SUSD3: variants seen among roughly 807,000 people sequenced by gnomAD.
SUSD3 encodes sushi domain-containing protein 3.
SUSD3 carries 18 observed loss-of-function variants against 20.6 expected under a neutral mutation model. That is an observed-to-expected ratio of 0.87 (90% CI 0.60 to 1.30). The LOEUF is 1.30. SUSD3 is among the 50% of genes most tolerant of loss of function. SUSD3 has a pLI of 0.00. For synonymous variants in SUSD3, 137 were observed against 141.5 expected (o/e 0.97, Z 0.23); for missense variants, 306 against 346.9 (o/e 0.88, Z 0.94).
At chr9:93,069,777 CT>C (rs565674661) in intron 1 of SUSD3, among the ~76,000 whole-genome samples, 28 of 147,444 alleles carry the variant, frequency 1.9e-4, no homozygotes, top group Admixed American at 7.5e-4. Context: ...TTACTTCTTC[CT>C]TTTTTTTTTC....
rs915854164 is a variant in SUSD3, at chr9:93,076,074, C to G, written c.277+102C>G. 9.6e-6 allele frequency: 10 copies of G among 1,044,422 alleles called. No homozygotes were observed. In the East Asian group the frequency reaches 2.6e-4, roughly 27 times the overall value. The allele number at this position is 1,044,422 out of a possible 1,614,324, so 64.7% of individuals were successfully genotyped here. ...TGGGGATGGCGTGGGTGTCTACTCA[C>G]AAGCAGCTAGGCCAGTGTGTAGGGT... On this transcript the variant is annotated intron_variant, in intron 2 of 4. Coordinates refer to ENST00000375472, the MANE Select transcript of SUSD3 (RefSeq NM_145006.4).
At chr9:93,065,926 G>A (rs992363072) in intron 1 of SUSD3, among the ~76,000 whole-genome samples, 5 of 152,206 alleles carry the variant, frequency 3.3e-5, no homozygotes, top group African/African-American at 1.2e-4. Flanking sequence ...GTGACCCAAG[G>A]CCAGCGAGAG....
At chr9:93,062,930 A>G (rs560624880) in intron 1 of SUSD3, among the ~76,000 whole-genome samples, 51 of 152,170 alleles carry the variant, frequency 3.4e-4, no homozygotes, top group African/African-American at 1.2e-3. Context: ...TGTGAATCCT[A>G]CGGAATCCTG....
rs975151475 is a variant in SUSD3 at position 93,058,726 on chromosome 9, G to A, written c.-17G>A. 62 of 1,230,038 alleles carry A rather than the reference G, an allele frequency of 5.0e-5. No homozygotes were observed. The highest frequency in any genetic ancestry group is 6.1e-5 in the Non-Finnish European group (60 of 985,544). 76.2% of individuals were successfully genotyped at this position (1,230,038 alleles called of 1,614,324 possible). A position where few individuals can be genotyped will look rare whatever the true frequency, so the allele number is the denominator to read the frequency against. On this transcript the variant is annotated 5_prime_UTR_variant, in exon 1 of 5. Transcript: ENST00000375472. Reference sequence around the variant, plus strand: ...ACTCCCCTGGCAGACCCCGCCAAGCGCCTCGGAGCGCGCAGGATGCGCTGG... The same window carrying A: ...ACTCCCCTGGCAGACCCCGCCAAGCACCTCGGAGCGCGCAGGATGCGCTGG...
chr9:93,070,557 G>A (rs76830534), intron 1 of SUSD3, among the ~76,000 whole-genome samples: 2,995 of 152,324 alleles, frequency 0.02, 88 homozygotes, highest in African/African-American at 0.065. Context: ...GTGTCCCTGA[G>A]CCATGGTTTC....
Position 93,075,324 on chromosome 9 carries a change from T to G in SUSD3, c.89-460T>G, listed in dbSNP as rs192044259. On this transcript the variant is annotated intron_variant, in intron 1 of 4. Coordinates refer to ENST00000375472, the MANE Select transcript of SUSD3 (RefSeq NM_145006.4). Reference sequence around the variant, plus strand: ...TCCTTTCCCGAATTTTTCACCTGAGTTGGTTGTTTTCCATTATTAGGGAGC... The same window carrying G: ...TCCTTTCCCGAATTTTTCACCTGAGGTGGTTGTTTTCCATTATTAGGGAGC... 2.5e-3 allele frequency among the ~76,000 whole-genome samples: 384 copies of G among 152,164 alleles called. 3 individuals are homozygous for G. Among genetic ancestry groups the G allele is most frequent in the African/African-American group, 8.9e-3 (368 of 41,506 alleles).
intron 4 of SUSD3, among the ~76,000 whole-genome samples, chr9:93,080,898 T>G (rs764575624): frequency 1.3e-5 from 2 of 152,252 alleles, no homozygotes; most frequent in Non-Finnish European, 2.9e-5. Flanking sequence ...TTTTGTTGTT[T>G]TAGCATCACA....
chr9:93,068,957 A>T lies in SUSD3; in HGVS notation c.89-6827A>T, dbSNP rs538129597. 9.2e-6 allele frequency: 5 copies of T among 546,142 alleles called. No individual in the cohort carries two copies. The African/African-American group carries it at 9.4e-5, about 10-fold the overall frequency. 33.8% of individuals were successfully genotyped at this position (546,142 alleles called of 1,614,324 possible). On this transcript the variant is annotated intron_variant, in intron 1 of 4. Transcript: ENST00000375472. Reference sequence around the variant, plus strand: ...TGAAAGATTAATGATAACCAGTAATAAGTTATACCAATTATAACAATATAT... The same window carrying T: ...TGAAAGATTAATGATAACCAGTAATTAGTTATACCAATTATAACAATATAT...
chr9:93,079,704 C>T (rs1826330894), intron 4 of SUSD3, 102 bp downstream of exon 4: 2 of 1,321,730 alleles, frequency 1.5e-6, no homozygotes, highest in Non-Finnish European at 2.1e-6. Context: ...GCCTGCTGCT[C>T]CCACACGCCT....
rs1339035789 is a variant in SUSD3 at position 93,058,973 on chromosome 9, C to T, written c.88+143C>T. ...CTGCCCCGAGGACGAACCTCCTCGA[C>T]CCTCCGCCGGCCCAGCAGGCGCCCT... On this transcript the variant is annotated intron_variant, in intron 1 of 4. Coordinates refer to ENST00000375472, the MANE Select transcript of SUSD3 (RefSeq NM_145006.4). 6.4e-6 allele frequency: 3 copies of T among 469,904 alleles called. No individual in the cohort carries two copies. The Admixed American group carries it at 1.3e-4, about 21-fold the overall frequency. The allele number at this position is 469,904 out of a possible 1,614,324, so 29.1% of individuals were successfully genotyped here.
intron 1 of SUSD3, among the ~76,000 whole-genome samples, chr9:93,070,960 G>A (rs73514199): frequency 0.011 from 1,744 of 152,234 alleles, 32 homozygotes; most frequent in African/African-American, 0.04. Context: ...AATCCCAAGC[G>A]CTAAATAGGG....
At chr9:93,077,558 C>T (rs1826216951) in intron 2 of SUSD3, among the ~76,000 whole-genome samples, 1 of 152,080 alleles carries the variant, frequency 6.6e-6, no homozygotes, top group African/African-American at 2.4e-5. Flanking sequence ...GCTTAAATAC[C>T]CCCTTTAAAT....
chr9:93,060,620 C>T (rs1825466108), intron 1 of SUSD3, among the ~76,000 whole-genome samples: 1 of 151,974 alleles, frequency 6.6e-6, no homozygotes, highest in Admixed American at 6.6e-5. Context: ...TGCTTGAGTC[C>T]AGGAGCTCGA....
At position 93,075,940 on chromosome 9, in the gene SUSD3, C is replaced by T. The variant is rs1826139398; in HGVS notation, c.245C>T (p.Ala82Val). 1 of 1,611,360 alleles carries T rather than the reference C, an allele frequency of 6.2e-7. No individual in the cohort carries two copies. Among genetic ancestry groups the T allele is most frequent in the Admixed American group, 1.7e-5 (1 of 59,832 alleles). ...LLTCTWKGSI[A>V]EWSSGSPVCK... ...ACCTGCACCTGGAAGGGGAGCATCG[C>T]TGAGTGGTCTTCAGGGTCCCCAGTG... The change falls in exon 2 of 5, where the codon GCT becomes GTT. Residue 82 changes from alanine (A) to valine (V), a missense_variant. Transcript: ENST00000375472.
At chr9:93,071,877 G>T (rs1825924817) in intron 1 of SUSD3, among the ~76,000 whole-genome samples, 1 of 152,158 alleles carries the variant, frequency 6.6e-6, no homozygotes, top group South Asian at 2.1e-4. Flanking sequence ...AGTTGCAGCT[G>T]CCCAGGATGA....
intron 1 of SUSD3, among the ~76,000 whole-genome samples, chr9:93,062,259 C>T (rs932441471): frequency 1.3e-5 from 2 of 152,256 alleles, no homozygotes; most frequent in Non-Finnish European, 2.9e-5. Flanking sequence ...TCCTCTCCAC[C>T]TGCCCCTGAG....
At chr9:93,081,062 A>G (rs1458289387) in intron 4 of SUSD3, among the ~76,000 whole-genome samples, 1 of 152,100 alleles carries the variant, frequency 6.6e-6, no homozygotes, top group Non-Finnish European at 1.5e-5. Context: ...CTTCCCCCAC[A>G]TTATTTTCAA....
At chr9:93,070,900 T>C (rs1825885386) in intron 1 of SUSD3, among the ~76,000 whole-genome samples, 1 of 152,178 alleles carries the variant, frequency 6.6e-6, no homozygotes, top group African/African-American at 2.4e-5. Context: ...TTGTTGCTGA[T>C]ATTCCTACTT....
Position 93,075,893 on chromosome 9 carries a change from G to C in SUSD3, c.198G>C (p.Gln66His), listed in dbSNP as rs12352602. ...VLMFRCPSNH[Q>H]MVGSGLLTCT... ...TGTTCCGCTGCCCCTCCAACCACCA[G>C]ATGGTGGGGTCTGGGCTCCTCACCT... The change falls in exon 2 of 5, where the codon CAG (glutamine) becomes CAC (histidine). Residue 66 changes from glutamine (Q) to histidine (H), a missense_variant. Physicochemically the swap from Gln to His is conservative, Grantham distance 24. Coordinates refer to ENST00000375472, the MANE Select transcript of SUSD3 (RefSeq NM_145006.4). 6.2e-6 allele frequency: 10 copies of C among 1,614,102 alleles called. No homozygotes were observed. Among genetic ancestry groups the C allele is most frequent in the Non-Finnish European group, 8.5e-6 (10 of 1,179,994 alleles).
Sources: allele counts gnomAD v4.1 joint callset (sites outside exome capture counted in the v4.1 genomes callset), GRCh38; gene constraint gnomAD v4.1.1; transcripts MANE v1.5; gene names NCBI Gene and HGNC (gene_info 2026-07-23, HGNC 2026-07-21).